The following TM4SF18 variants were observed in gnomAD, a reference collection of about 807,000 sequenced individuals.
The protein encoded by TM4SF18 is transmembrane 4 L six family member 18, also known as transmembrane 4 L6 family member 18.
In TM4SF18, 22 loss-of-function variants were observed where a neutral mutation model predicts 23.8. That is an observed-to-expected ratio of 0.92 (90% CI 0.66 to 1.32). TM4SF18 has a LOEUF of 1.32. Ranked by LOEUF, TM4SF18 falls within the 40% of genes most tolerant of loss-of-function variation. TM4SF18 has a pLI of 0.00. For synonymous variants in TM4SF18, 87 were observed against 87.9 expected (o/e 0.99, Z 0.06); for missense variants, 255 against 240.3 (o/e 1.06, Z -0.41).
chr3:149,323,197 C>T (rs573912968), intron 4 of TM4SF18, among the ~76,000 whole-genome samples: 1 of 152,110 alleles, frequency 6.6e-6, no homozygotes, highest in Non-Finnish European at 1.5e-5. Context: ...CGCGCCTGGC[C>T]CTCCAGACTC....
At chr3:149,329,156 T>TCACACACACACACACA (rs33985529) in intron 3 of TM4SF18, among the ~76,000 whole-genome samples, 2 of 142,230 alleles carry the variant, frequency 1.4e-5, no homozygotes, top group African/African-American at 5.2e-5. Flanking sequence ...AGTCAACTGG[T>TCACACACACACACACA]CACACACACA....
Position 149,333,557 on chromosome 3 carries a change from G to A in TM4SF18, c.-62C>T, listed in dbSNP as rs570523020. On this transcript the variant is annotated 5_prime_UTR_variant, in exon 1 of 6. Transcript: ENST00000296059. ...CTTCACTTCATATTCATGAGGAGAC[G>A]GGGAATTGGAATATACCCGCAGCCG... The A allele has an allele frequency of 5.8e-5, 27 of 463,302 alleles. No homozygotes were observed. Among genetic ancestry groups the A allele is most frequent in the Admixed American group, 8.5e-5 (2 of 23,580 alleles). 28.7% of individuals were successfully genotyped at this position (463,302 alleles called of 1,614,324 possible). A position where few individuals can be genotyped will look rare whatever the true frequency, so the allele number is the denominator to read the frequency against.
In TM4SF18 at chr3:149,322,346, G is replaced by T. The variant is rs1431792802; in HGVS notation, c.501C>A (p.Thr167=). ...AGATGATCACTTGAAGCCCACTGAG[G>T]GTTATGAGAATGGAAAATAAAATGA... ...WNIILFSILI[T]LSGLQVIICL... is the part of the protein sequence containing the mutation. The change falls in exon 5 of 6, where the codon ACC becomes ACA. Residue 167 remains threonine (T), a synonymous_variant. Coordinates refer to ENST00000296059, the MANE Select transcript of TM4SF18 (RefSeq NM_138786.4). The T allele has an allele frequency of 6.2e-7, 1 of 1,613,800 alleles. No homozygotes were observed. The highest frequency in any genetic ancestry group is 2.2e-5 in the East Asian group (1 of 44,862).
intron 3 of TM4SF18, chr3:149,330,115 T>C (rs549053113): frequency 2.7e-6 from 1 of 364,846 alleles, no homozygotes; most frequent in Non-Finnish European, 4.9e-6. Context: ...ATTTTAGGTA[T>C]CTTTAAATGC....
chr3:149,325,999 G>A (rs1217114165), intron 3 of TM4SF18, among the ~76,000 whole-genome samples: 1 of 151,946 alleles, frequency 6.6e-6, no homozygotes, highest in African/African-American at 2.4e-5. Flanking sequence ...ATGTACACCT[G>A]TACATATATA....
chr3:149,322,451 T>G lies in TM4SF18; in HGVS notation c.411-15A>C, dbSNP rs1730829884. 2 of 1,607,714 alleles carry G rather than the reference T, an allele frequency of 1.2e-6. No homozygotes were observed. Among genetic ancestry groups the G allele is most frequent in the Non-Finnish European group, 1.7e-6 (2 of 1,176,974 alleles). Reference sequence around the variant, plus strand: ...CTGTAAGGAAACTGAGAGAGACCCATGGCCAAATCTACATACTGGGTCCAA... The same window carrying G: ...CTGTAAGGAAACTGAGAGAGACCCAGGGCCAAATCTACATACTGGGTCCAA... On this transcript the variant is annotated splice_polypyrimidine_tract_variant and intron_variant, in intron 4 of 5. Coordinates refer to ENST00000296059, the MANE Select transcript of TM4SF18 (RefSeq NM_138786.4).
chr3:149,325,355 GA>G (rs1161153274), intron 3 of TM4SF18, among the ~76,000 whole-genome samples: 1 of 152,126 alleles, frequency 6.6e-6, no homozygotes, highest in Non-Finnish European at 1.5e-5. Flanking sequence ...ACTATCTATT[GA>G]AGACCTGTTA....
At position 149,324,799 on chromosome 3, in the gene TM4SF18, T is replaced by C. The variant is rs867258411; in HGVS notation, c.410+81A>G. On this transcript the variant is annotated intron_variant, in intron 4 of 5. Coordinates refer to ENST00000296059, the MANE Select transcript of TM4SF18 (RefSeq NM_138786.4). ...GCCACATGGAACCCCAAAGTGATCA[T>C]GGAAAATGAGCGTGAGCTTGAGCAT... The C allele has an allele frequency of 1.9e-5, 30 of 1,578,984 alleles. No individual in the cohort carries two copies. In the South Asian group the frequency reaches 2.3e-4, roughly 12 times the overall value.
chr3:149,330,978 C>T (rs918416410), intron 2 of TM4SF18, among the ~76,000 whole-genome samples: 1 of 152,178 alleles, frequency 6.6e-6, no homozygotes, highest in African/African-American at 2.4e-5. Flanking sequence ...TGTATCAAGC[C>T]AACAAAGTGG....
At chr3:149,323,043 C>T (rs1471915125) in intron 4 of TM4SF18, among the ~76,000 whole-genome samples, 1 of 152,050 alleles carries the variant, frequency 6.6e-6, no homozygotes, top group African/African-American at 2.4e-5. Flanking sequence ...GCTACAGGCA[C>T]CCGCCACCAC....
rs557254631 is a variant in TM4SF18, at chr3:149,323,553, A to G, written c.411-1117T>C. Among the ~76,000 whole-genome samples, 13 of 152,338 alleles carry G rather than the reference A, an allele frequency of 8.5e-5. 1 individual carries two copies. Among genetic ancestry groups the G allele is most frequent in the Non-Finnish European group, 1.8e-4 (12 of 68,034 alleles). On this transcript the variant is annotated intron_variant, in intron 4 of 5. Transcript: ENST00000296059. ...GAGAAACATGAATTGTGAAGATTTC[A>G]TGGACATTTATCAGTTCCCAAATAA...
Position 149,324,911 on chromosome 3 carries a change from A to C in TM4SF18, c.379T>G (p.Trp127Gly). ...QGPYCRTLDGWEYAFEGTAGR... is the reference protein window; with the variant it reads ...QGPYCRTLDGGEYAFEGTAGR... Reference sequence around the variant, plus strand: ...GCAGTGCCTTCAAAAGCATACTCCCAGCCATCAAGGGTGCGGCAATATGGC... The same window carrying C: ...GCAGTGCCTTCAAAAGCATACTCCCCGCCATCAAGGGTGCGGCAATATGGC... Residue 127 changes from tryptophan (W) to glycine (G), a missense_variant, in exon 4 of 6, where the codon TGG becomes GGG. Trp to Gly is a radical substitution (Grantham distance 184, BLOSUM62 -2). Transcript: ENST00000296059. The C allele has an allele frequency of 1.2e-6, 2 of 1,614,178 alleles. No individual in the cohort carries two copies. Among genetic ancestry groups the C allele is most frequent in the Non-Finnish European group, 1.7e-6 (2 of 1,180,030 alleles).
intron 3 of TM4SF18, among the ~76,000 whole-genome samples, chr3:149,328,869 G>A (rs1731015267): frequency 6.6e-6 from 1 of 152,104 alleles, no homozygotes. Context: ...TCTTTCTCCT[G>A]CTGTTCCCAA....
chr3:149,333,151 G>T, intron 2 of TM4SF18, 55 bp downstream of exon 2: 5 of 1,460,696 alleles, frequency 3.4e-6, no homozygotes, highest in Admixed American at 3.6e-5. Flanking sequence ...TAGTTACAAG[G>T]TAAGTCTCAA....
In TM4SF18 at chr3:149,322,258, G is replaced by C. The variant is rs1433425298; in HGVS notation, c.589C>G (p.Gln197Glu). ...AGGTGCCCATGAGAATCTGTTACCT[G>C]GAAGATCACTGAATAGCTTCCACAC... ...ILCGSYSVIF[Q>E]PGII Residue 197 changes from glutamine to glutamate, a missense_variant and splice_region_variant, in exon 5 of 6, where the codon CAG becomes GAG. Transcript: ENST00000296059. The C allele has an allele frequency of 2.5e-6, 4 of 1,610,046 alleles. No homozygotes were observed. The highest frequency in any genetic ancestry group is 3.4e-6 in the Non-Finnish European group (4 of 1,178,148).
At chr3:149,322,521 A>ATTTT in intron 4 of TM4SF18, 85 bp from the exon 5 acceptor site, 2 of 1,131,334 alleles carry the variant, frequency 1.8e-6, no homozygotes, top group Non-Finnish European at 2.5e-6. Context: ...ATTACTGTAT[A>ATTTT]ACTAAAATAT....
Position 149,333,409 on chromosome 3 carries a change from A to G in TM4SF18, c.-17-10T>C. On this transcript the variant is annotated splice_polypyrimidine_tract_variant and intron_variant, in intron 1 of 5. Transcript: ENST00000296059. ...TTGCCCTGCTTAGAACCTGCGGGAG[A>G]TTTCAAGAGTATACAGTCACAGAAA... 1 of 1,561,426 alleles carries G rather than the reference A, an allele frequency of 6.4e-7. No homozygotes were observed. Among genetic ancestry groups the G allele is most frequent in the Non-Finnish European group, 8.7e-7 (1 of 1,149,602 alleles).
At chr3:149,333,475 T>TCA in intron 1 of TM4SF18, 38 bp downstream of exon 1, 4 of 461,502 alleles carry the variant, frequency 8.7e-6, no homozygotes, top group Non-Finnish European at 1.2e-5. Context: ...TTTTTCTCTC[T>TCA]CTCTCTCTTT....
chr3:149,322,375 T>TATGAGAATGGAAAAAAA lies in TM4SF18; in HGVS notation c.471_472insTTTTTTTCCATTCTCAT (p.Asn158PhefsTer15). ...ATGAGAATGGAAAATAAAATGATGT[T>TATGAGAATGGAAAAAAA]CCACTCCACAACATGTGCAGGTTCC... On this transcript the variant is annotated frameshift_variant, in exon 5 of 6. Coordinates refer to ENST00000296059, the MANE Select transcript of TM4SF18 (RefSeq NM_138786.4). LOFTEE classifies it high-confidence loss of function. The TATGAGAATGGAAAAAAA allele has an allele frequency of 3.1e-6, 5 of 1,613,994 alleles. No homozygotes were observed. The highest frequency in any genetic ancestry group is 4.2e-6 in the Non-Finnish European group (5 of 1,179,962).
Sources: gnomAD v4.1 joint callset for allele counts (sites outside exome capture counted in the v4.1 genomes callset) on GRCh38, gnomAD v4.1.1 for gene constraint, MANE v1.5 for transcripts, NCBI Gene and HGNC (gene_info 2026-07-23, HGNC 2026-07-21) for gene names.